SCNN1B: variants seen among roughly 807,000 people sequenced by gnomAD.
The protein encoded by SCNN1B is sodium channel epithelial 1 subunit beta, also known as epithelial sodium channel subunit beta.
Under a neutral mutation model 65.3 loss-of-function variants are expected in SCNN1B, and 46 were observed. The observed-to-expected ratio is 0.70, with a 90% CI of 0.56 to 0.90. The LOEUF is 0.90. Among genes scored for constraint, SCNN1B ranks in the 40% least tolerant of loss-of-function variants. The pLI, the probability that SCNN1B is intolerant of heterozygous loss-of-function variation, is 0.00. For synonymous variants in SCNN1B, 349 were observed against 330.6 expected (o/e 1.06, Z -0.60); for missense variants, 751 against 830.5 (o/e 0.90, Z 1.18).
chr16:23,343,639 GAAA>G lies in SCNN1B; in HGVS notation c.-8-4952_-8-4950del, dbSNP rs1567304471. Among the ~76,000 whole-genome samples, 261 of 99,580 alleles carry G rather than the reference GAAA, an allele frequency of 2.6e-3. 5 individuals are homozygous for G. Among genetic ancestry groups the G allele is most frequent in the Middle Eastern group, 0.011 (2 of 178 alleles). The allele number at this position is 99,580 out of a possible 152,430, so 65.3% of individuals were successfully genotyped here. A position where few individuals can be genotyped will look rare whatever the true frequency, so the allele number is the denominator to read the frequency against. On this transcript the variant is annotated intron_variant, in intron 1 of 12. Transcript: ENST00000343070. ...AGAAAGAAAGAAAGAAAGAAAGAAA[GAAA>G]GAAAGAAAAAAAGAAAGGAAGGAAG...
chr16:23,301,255 G>C (rs928648411), upstream of SCNN1B, among the ~76,000 whole-genome samples: 3 of 151,706 alleles, frequency 2.0e-5, no homozygotes, highest in Admixed American at 2.0e-4. Flanking sequence ...CCAGCTACTA[G>C]GGAGGCTGAG....
chr16:23,313,681 G>C (rs539655202), intron 1 of SCNN1B, among the ~76,000 whole-genome samples: 1 of 151,982 alleles, frequency 6.6e-6, no homozygotes, highest in Non-Finnish European at 1.5e-5. Flanking sequence ...GCACGATCTC[G>C]GCTCACTGCA....
chr16:23,296,637 C>T (rs967817789), intron 2 of SCNN1B, among the ~76,000 whole-genome samples: 5 of 152,168 alleles, frequency 3.3e-5, no homozygotes, highest in South Asian at 2.1e-4. Context: ...GGACATGGAT[C>T]GTGTCAGCTG....
At chr16:23,306,014 G>A (rs555851723) in intron 1 of SCNN1B, among the ~76,000 whole-genome samples, 5 of 152,138 alleles carry the variant, frequency 3.3e-5, no homozygotes, top group South Asian at 4.1e-4. Flanking sequence ...AGGCTGAGGC[G>A]GGTGGATCAC....
intron 1 of SCNN1B, among the ~76,000 whole-genome samples, chr16:23,309,677 T>C (rs1294602094): frequency 1.3e-5 from 2 of 152,208 alleles, no homozygotes; most frequent in Non-Finnish European, 2.9e-5. Flanking sequence ...ACTAGCTGCA[T>C]TGGCAGCTGA....
At chr16:23,286,183 G>A (rs1960847865) in intron 2 of SCNN1B, among the ~76,000 whole-genome samples, 1 of 152,176 alleles carries the variant, frequency 6.6e-6, no homozygotes, top group African/African-American at 2.4e-5. Context: ...AGGGAAAGAA[G>A]CTCTTCTTTA....
Position 23,315,874 on chromosome 16 carries a change from C to T in SCNN1B, c.-9+13437C>T, listed in dbSNP as rs144782573. Among the ~76,000 whole-genome samples, 5 of 152,090 alleles carry T rather than the reference C, an allele frequency of 3.3e-5. No individual in the cohort carries two copies. In the South Asian group the frequency reaches 1.0e-3, roughly 31 times the overall value. On this transcript the variant is annotated intron_variant, in intron 1 of 12. Coordinates refer to ENST00000343070, the MANE Select transcript of SCNN1B (RefSeq NM_000336.3). Reference sequence around the variant, plus strand: ...CTCATTTAATCTGCACATAATAACCCTATCAAGTAGGTACATCCTTACCAT... The same window carrying T: ...CTCATTTAATCTGCACATAATAACCTTATCAAGTAGGTACATCCTTACCAT...
intron 1 of SCNN1B, among the ~76,000 whole-genome samples, chr16:23,311,902 T>C (rs1413191867): frequency 1.3e-5 from 2 of 152,070 alleles, no homozygotes; most frequent in Non-Finnish European, 2.9e-5. Flanking sequence ...GAGATGGCCA[T>C]GGGCCTGTAC....
At chr16:23,377,802 C>T (rs1962946195) in intron 10 of SCNN1B, among the ~76,000 whole-genome samples, 1 of 138,488 alleles carries the variant, frequency 7.2e-6, no homozygotes, top group Admixed American at 7.5e-5. Flanking sequence ...TCTTTCCTTC[C>T]TTCCTTCTTT....
chr16:23,323,636 C>G, intron 1 of SCNN1B: 1 of 702,314 alleles, frequency 1.4e-6, no homozygotes, highest in African/African-American at 1.7e-5. Context: ...GGTTTGAACC[C>G]AACTTCTTAA....
chr16:23,348,877 C>T lies in SCNN1B; in HGVS notation c.278C>T (p.Pro93Leu), dbSNP rs1555487525. ...GTAGGCTTCAAGACCATGGACTTCC[C>T]TGCCGTCACCATCTGCAATGCTAGC... ...LSVGFKTMDF[P>L]AVTICNASPF... The change falls in exon 2 of 13, where the codon CCT becomes CTT. Residue 93 changes from proline (P) to leucine (L), a missense_variant. Coordinates refer to ENST00000343070, the MANE Select transcript of SCNN1B (RefSeq NM_000336.3). This position sits in a 1 kb window ranked among gnomAD's most constrained non-coding sequence, Gnocchi z 4.5. 1.2e-6 allele frequency: 2 copies of T among 1,614,000 alleles called. No individual in the cohort carries two copies.
chr16:23,360,966 T>G (rs952159643), intron 4 of SCNN1B, among the ~76,000 whole-genome samples: 6 of 152,122 alleles, frequency 3.9e-5, no homozygotes, highest in Non-Finnish European at 7.4e-5. Context: ...GGCTAATTTT[T>G]TGTATTTTTA....
intron 5 of SCNN1B, 75 bp from the exon 6 acceptor site, chr16:23,371,224 G>A (rs1244495972): frequency 6.4e-7 from 1 of 1,551,972 alleles, no homozygotes; most frequent in African/African-American, 1.4e-5. Flanking sequence ...GAGGGAGCTT[G>A]GAGAAGTGGG....
chr16:23,299,124 A>G (rs1961038542), upstream of SCNN1B, among the ~76,000 whole-genome samples: 1 of 149,406 alleles, frequency 6.7e-6, no homozygotes, highest in South Asian at 2.1e-4. Flanking sequence ...CAGTGGCACA[A>G]TCTTGGCTCA....
Position 23,371,213 on chromosome 16 carries a change from G to A in SCNN1B, c.881-86G>A, listed in dbSNP as rs531980034. ...GGCGGTCCCTGGAGGTCCCCTGGCC[G>A]GAGGGAGCTTGGAGAAGTGGGTAGT... On this transcript the variant is annotated intron_variant, in intron 5 of 12. Transcript: ENST00000343070. 72 of 1,501,584 alleles carry A rather than the reference G, an allele frequency of 4.8e-5. No homozygotes were observed. The Middle Eastern group carries it at 7.7e-4, about 16-fold the overall frequency. The allele number at this position is 1,501,584 out of a possible 1,614,324, so 93.0% of individuals were successfully genotyped here. A position where few individuals can be genotyped will look rare whatever the true frequency, so the allele number is the denominator to read the frequency against.
chr16:23,330,599 G>A (rs941526404), intron 1 of SCNN1B, among the ~76,000 whole-genome samples: 1 of 152,100 alleles, frequency 6.6e-6, no homozygotes, highest in African/African-American at 2.4e-5. Flanking sequence ...TTAGACCAGG[G>A]TCCTGCTCTG....
intron 4 of SCNN1B, among the ~76,000 whole-genome samples, chr16:23,367,629 C>G (rs1962696192): frequency 6.6e-6 from 1 of 152,204 alleles, no homozygotes; most frequent in African/African-American, 2.4e-5. Flanking sequence ...CATGGCCAAA[C>G]CAGAGAGCCT....
chr16:23,323,349 A>G (rs547917632), intron 1 of SCNN1B, among the ~76,000 whole-genome samples: 1 of 152,302 alleles, frequency 6.6e-6, no homozygotes, highest in South Asian at 2.1e-4. Context: ...GGACTGAATA[A>G]CAGCATGAGT....
intron 1 of SCNN1B, among the ~76,000 whole-genome samples, chr16:23,281,290 G>A (rs925420815): frequency 6.6e-6 from 1 of 152,104 alleles, no homozygotes; most frequent in Non-Finnish European, 1.5e-5. Flanking sequence ...AAAATGAGCT[G>A]GGCGTAGTGG....
Sources: gnomAD v4.1 joint callset for allele counts (sites outside exome capture counted in the v4.1 genomes callset) on GRCh38, gnomAD v4.1.1 for gene constraint, Gnocchi (gnomAD v3.1) non-coding constraint, MANE v1.5 for transcripts, NCBI Gene and HGNC (gene_info 2026-07-23, HGNC 2026-07-21) for gene names.